SKI: variants seen among roughly 807,000 people sequenced by gnomAD.
The protein encoded by SKI is ski oncogene.
In SKI, 23 loss-of-function variants were observed where a neutral mutation model predicts 59.3. The observed-to-expected ratio is 0.39, with a 90% CI of 0.28 to 0.55. The LOEUF (loss-of-function observed/expected upper bound fraction) is 0.55. Among genes scored for constraint, SKI ranks in the 20% least tolerant of loss-of-function variants. SKI has a pLI of 0.67. For missense variants in SKI, 1,017 were observed against 1,038.9 expected, an observed-to-expected ratio of 0.98 and a Z score of 0.29; for synonymous variants, 673 against 488.6, an observed-to-expected ratio of 1.38 and a Z score of -4.98.
intron 1 of SKI, among the ~76,000 whole-genome samples, chr1:2,230,304 A>T (rs773686720): frequency 7.9e-5 from 12 of 152,092 alleles, no homozygotes; most frequent in Non-Finnish European, 1.6e-4. Context: ...TGGGACACAG[A>T]CACAAAATGA....
chr1:2,298,966 C>T (rs1640356605), intron 1 of SKI, among the ~76,000 whole-genome samples: 1 of 152,176 alleles, frequency 6.6e-6, no homozygotes, highest in African/African-American at 2.4e-5. Flanking sequence ...TGGGTGGAGC[C>T]TTGCCTGCTG....
rs1407842355 is a variant in SKI, at chr1:2,250,496, G to A, written c.969+20761G>A. ...TGAGAAATCTCCAAACCTACATACA[G>A]CGAAGTTGCAGGAAGAACGTGGTGA... On this transcript the variant is annotated intron_variant, in intron 1 of 6. Coordinates refer to ENST00000378536, the MANE Select transcript of SKI (RefSeq NM_003036.4). Among the ~76,000 whole-genome samples, 13 of 152,238 alleles carry A rather than the reference G, an allele frequency of 8.5e-5. 1 individual carries two copies. The highest frequency in any genetic ancestry group is 7.9e-4 in the Admixed American group (12 of 15,286).
chr1:2,299,000 G>A (rs1024088888), intron 1 of SKI, among the ~76,000 whole-genome samples: 3 of 152,226 alleles, frequency 2.0e-5, no homozygotes, highest in African/African-American at 7.2e-5. Context: ...CTGGGTGGGT[G>A]GATGCCGGGT....
chr1:2,255,838 T>C (rs1639262413), intron 1 of SKI, among the ~76,000 whole-genome samples: 1 of 151,804 alleles, frequency 6.6e-6, no homozygotes, highest in Non-Finnish European at 1.5e-5. Context: ...CCTCATTTCC[T>C]GTCTGGAACA....
At position 2,268,116 on chromosome 1, in the gene SKI, C is replaced by T. The variant is rs1639537857; in HGVS notation, c.970-34862C>T. On this transcript the variant is annotated intron_variant, in intron 1 of 6. Coordinates refer to ENST00000378536, the MANE Select transcript of SKI (RefSeq NM_003036.4). This position sits in a 1 kb window ranked among gnomAD's most constrained non-coding sequence, Gnocchi z 5.0. The stretch of plus-strand genomic sequence containing the variant: ...ACCCCTGTGGTCAGATGCATGGCGC[C>T]CGCAGCCCTGGCCCAGGTGCCCCCT... Among the ~76,000 whole-genome samples, 1 of 152,200 alleles carries T rather than the reference C, an allele frequency of 6.6e-6. No individual in the cohort carries two copies. The highest frequency in any genetic ancestry group is 1.9e-4 in the East Asian group (1 of 5,188).
intron 1 of SKI, among the ~76,000 whole-genome samples, chr1:2,253,666 CAGCT>C (rs1639213504): frequency 6.6e-6 from 1 of 152,232 alleles, no homozygotes; most frequent in South Asian, 2.1e-4. Flanking sequence ...CCAGTTCTGA[CAGCT>C]AGGAACGGTG....
chr1:2,259,884 C>T (rs1055388556), intron 1 of SKI, among the ~76,000 whole-genome samples: 4 of 152,208 alleles, frequency 2.6e-5, no homozygotes, highest in Non-Finnish European at 5.9e-5. Flanking sequence ...TGTTCCCCTG[C>T]GTGGATGTCG....
intron 1 of SKI, among the ~76,000 whole-genome samples, chr1:2,302,659 T>A (rs1640453716): frequency 6.6e-6 from 1 of 151,834 alleles, no homozygotes; most frequent in African/African-American, 2.4e-5. Context: ...GGAGAGTGGG[T>A]CTTGGTGCTC....
At chr1:2,259,506 A>G (rs1374047842) in intron 1 of SKI, among the ~76,000 whole-genome samples, 1 of 152,202 alleles carries the variant, frequency 6.6e-6, no homozygotes, top group African/African-American at 2.4e-5. Context: ...CCTGGAATAT[A>G]AGGGTGCAGT....
In SKI at chr1:2,228,803, C is replaced by T. The variant is rs1460907031; in HGVS notation, c.37C>T (p.Pro13Ser). 2 of 1,342,914 alleles carry T rather than the reference C, an allele frequency of 1.5e-6. No homozygotes were observed. Among genetic ancestry groups the T allele is most frequent in the South Asian group, 1.5e-5 (1 of 67,108 alleles). 83.2% of individuals were successfully genotyped at this position (1,342,914 alleles called of 1,614,324 possible). ...AAAGGRGCFQ[P>S]HPGLQKTLEQ... ...GGCAGGCGGCCGCGGCTGTTTCCAG[C>T]CGCACCCGGGGCTGCAGAAGACGCT... The change falls in exon 1 of 7, where the codon CCG (proline) becomes TCG (serine). Residue 13 changes from proline (P) to serine (S), a missense_variant. Pro to Ser is a moderately conservative substitution (Grantham distance 74). Transcript: ENST00000378536.
Position 2,228,689 on chromosome 1 carries a change from G to C in SKI, c.-78G>C. 1 of 906,692 alleles carries C rather than the reference G, an allele frequency of 1.1e-6. No individual in the cohort carries two copies. The highest frequency in any genetic ancestry group is 1.8e-5 in the African/African-American group (1 of 54,780). 56.2% of individuals were successfully genotyped at this position (906,692 alleles called of 1,614,324 possible). On this transcript the variant is annotated 5_prime_UTR_variant, in exon 1 of 7. Transcript: ENST00000378536. ...GGGTCGGGGCCGCGGGCGCCGCCGGGGCGCGCGGGGCGGCGGCGGGGGCCG... is the reference window on the plus strand; with the variant it reads ...GGGTCGGGGCCGCGGGCGCCGCCGGCGCGCGCGGGGCGGCGGCGGGGGCCG...
Position 2,261,905 on chromosome 1 carries a change from A to G in SKI, c.969+32170A>G, listed in dbSNP as rs186463920. ...GATCTCCTGGTCTGGAAGGCGTGGA[A>G]TCAGAGTTTGGGTGGGAGTGGTGGG... On this transcript the variant is annotated intron_variant, in intron 1 of 6. Transcript: ENST00000378536. Among the ~76,000 whole-genome samples, 69 of 133,400 alleles carry G rather than the reference A, an allele frequency of 5.2e-4. 2 individuals carry two copies. Among genetic ancestry groups the G allele is most frequent in the African/African-American group, 2.0e-3 (68 of 34,768 alleles). 87.5% of individuals were successfully genotyped at this position (133,400 alleles called of 152,430 possible).
chr1:2,296,406 A>C (rs191560875), intron 1 of SKI, among the ~76,000 whole-genome samples: 30 of 152,108 alleles, frequency 2.0e-4, no homozygotes, highest in Non-Finnish European at 3.7e-4. Context: ...AAAAACAAAC[A>C]AACCCAGTTC....
intron 1 of SKI, among the ~76,000 whole-genome samples, chr1:2,272,382 G>A (rs938337292): frequency 2.0e-5 from 3 of 152,344 alleles, no homozygotes; most frequent in South Asian, 4.1e-4. Context: ...TCAAACCAGC[G>A]CAGTGGAAAG....
Position 2,242,653 on chromosome 1 carries a change from G to A in SKI, c.969+12918G>A, listed in dbSNP as rs542774688. The stretch of plus-strand genomic sequence containing the variant: ...TCCCGCCTCAGCTTCCTGAGTAGCC[G>A]GGACTGTAGGTGGGCATCACCACGC... On this transcript the variant is annotated intron_variant, in intron 1 of 6. Coordinates refer to ENST00000378536, the MANE Select transcript of SKI (RefSeq NM_003036.4). 2.6e-5 allele frequency among the ~76,000 whole-genome samples: 4 copies of A among 152,216 alleles called. No individual in the cohort carries two copies. The East Asian group carries it at 7.7e-4, about 29-fold the overall frequency.
chr1:2,250,417 G>T (rs539545541), intron 1 of SKI, among the ~76,000 whole-genome samples: 1 of 152,310 alleles, frequency 6.6e-6, no homozygotes, highest in Non-Finnish European at 1.5e-5. Context: ...GGAGGAGCAG[G>T]AAGTGGCCCA....
At chr1:2,306,481 G>A in intron 6 of SKI, 96 bp from the exon 7 acceptor site, 1 of 1,313,180 alleles carries the variant, frequency 7.6e-7, no homozygotes, top group Non-Finnish European at 1.0e-6. Context: ...ACTGGGGAGG[G>A]ACAGGGAGCG....
intron 1 of SKI, among the ~76,000 whole-genome samples, chr1:2,260,535 CTTTTTTTTT>C (rs3065260): frequency 7.4e-5 from 5 of 67,820 alleles, no homozygotes; most frequent in Admixed American, 2.2e-4. Context: ...TGTTCTTTTT[CTTTTTTTTT>C]TTTTTTTTTT....
rs1638592930 is a variant in SKI, at chr1:2,229,873, G to A, written c.969+138G>A. On this transcript the variant is annotated intron_variant, in intron 1 of 6. Transcript: ENST00000378536. This position sits in a 1 kb window ranked among gnomAD's most constrained non-coding sequence, Gnocchi z 6.3. ...TGTCTCCAGTCTTCGCTTTGTTTTA[G>A]GGAAATTCAGAGTGTTCCGACTGGC... 6.8e-7 allele frequency: 1 copy of A among 1,466,594 alleles called. No homozygotes were observed. Among genetic ancestry groups the A allele is most frequent in the Non-Finnish European group, 9.2e-7 (1 of 1,090,744 alleles). 90.8% of individuals were successfully genotyped at this position (1,466,594 alleles called of 1,614,324 possible).
Sources: gnomAD v4.1 joint callset for allele counts (sites outside exome capture counted in the v4.1 genomes callset) on GRCh38, gnomAD v4.1.1 for gene constraint, Gnocchi (gnomAD v3.1) non-coding constraint, MANE v1.5 for transcripts, NCBI Gene and HGNC (gene_info 2026-07-23, HGNC 2026-07-21) for gene names.